Variants in WASF3 observed in about 807,000 individuals in gnomAD.
WASF3 encodes WASP family member 3, also known as actin-binding protein WASF3.
In WASF3, 11 loss-of-function variants were observed where a neutral mutation model predicts 46.6. The ratio of observed to expected loss-of-function variants is 0.24; its 90% CI spans 0.15 to 0.39. The LOEUF (loss-of-function observed/expected upper bound fraction) is 0.39. WASF3 is among the 10% of genes least tolerant of loss of function. The pLI, the probability that WASF3 is intolerant of heterozygous loss-of-function variation, is 1.00. For missense variants in WASF3, 576 were observed against 669.8 expected, an observed-to-expected ratio of 0.86 and a Z score of 1.55; for synonymous variants, 242 against 259.7, an observed-to-expected ratio of 0.93 and a Z score of 0.65.
At chr13:26,655,797 AC>A (rs1882448520) in intron 3 of WASF3, among the ~76,000 whole-genome samples, 1 of 152,062 alleles carries the variant, frequency 6.6e-6, no homozygotes, top group Admixed American at 6.6e-5. Context: ...TTTGATCCTT[AC>A]GTTTTTCCAC....
At chr13:26,554,092 C>T (rs57426812), upstream of WASF3, among the ~76,000 whole-genome samples, 4,448 of 21,178 alleles carry the variant, frequency 0.21, 219 homozygotes, top group East Asian at 0.26. Context: ...TCCTTCCTTC[C>T]TTCCTTCTTT....
At chr13:26,568,493 C>CT (rs1182713636) in intron 1 of WASF3, among the ~76,000 whole-genome samples, 1 of 152,096 alleles carries the variant, frequency 6.6e-6, no homozygotes, top group Non-Finnish European at 1.5e-5. Flanking sequence ...TTAGAGGGGG[C>CT]TGATGAAGAC....
chr13:26,681,429 A>G (rs1883228407), intron 8 of WASF3, 109 bp downstream of exon 8: 1 of 1,312,886 alleles, frequency 7.6e-7, no homozygotes, highest in African/African-American at 1.5e-5. Flanking sequence ...AGATAGAGTC[A>G]AGGATGACTG....
At chr13:26,664,016 A>C (rs1882703471) in intron 3 of WASF3, among the ~76,000 whole-genome samples, 2 of 152,212 alleles carry the variant, frequency 1.3e-5, no homozygotes, top group African/African-American at 2.4e-5. Context: ...AGGTGTGTGC[A>C]GGAGGCATCA....
chr13:26,602,621 T>G (rs1325341652), intron 1 of WASF3, among the ~76,000 whole-genome samples: 1 of 152,212 alleles, frequency 6.6e-6, no homozygotes, highest in Non-Finnish European at 1.5e-5. Context: ...CTCTTTGTTA[T>G]AGTGGCCACT....
chr13:26,580,314 T>G (rs1043755244), intron 1 of WASF3, among the ~76,000 whole-genome samples: 3 of 152,200 alleles, frequency 2.0e-5, no homozygotes, highest in African/African-American at 7.2e-5. Flanking sequence ...TGTGGTTTTC[T>G]TTTGTCAGAA....
At chr13:26,548,510 A>C in the WASF3 span, among the ~76,000 whole-genome samples, 1 of 152,122 alleles carries the variant, frequency 6.6e-6, no homozygotes, top group Admixed American at 6.5e-5. Context: ...CCAACGCACT[A>C]TTCATGCATG....
chr13:26,568,404 A>C (rs1162013921), intron 1 of WASF3, among the ~76,000 whole-genome samples: 2 of 152,182 alleles, frequency 1.3e-5, no homozygotes, highest in African/African-American at 2.4e-5. Context: ...ACTGCTGCTG[A>C]CAGAGAAGCA....
At chr13:26,613,551 T>G (rs1272753201) in intron 2 of WASF3, among the ~76,000 whole-genome samples, 1 of 152,120 alleles carries the variant, frequency 6.6e-6, no homozygotes, top group African/African-American at 2.4e-5. Flanking sequence ...GGGTGGATCA[T>G]GAGGTCAGGA....
chr13:26,576,914 C>T (rs563858312), intron 1 of WASF3: 32 of 782,892 alleles, frequency 4.1e-5, no homozygotes, highest in African/African-American at 2.4e-4. Flanking sequence ...AAACGCCTTA[C>T]GAAAGGAGGC....
chr13:26,542,981 C>G, the WASF3 span, among the ~76,000 whole-genome samples: 13 of 152,164 alleles, frequency 8.5e-5, no homozygotes, highest in Admixed American at 6.5e-4. Context: ...TGAACACAGG[C>G]TAAAGAAGAG....
upstream of WASF3, among the ~76,000 whole-genome samples, chr13:26,556,164 G>A (rs1879092384): frequency 6.6e-6 from 1 of 152,196 alleles, no homozygotes; most frequent in African/African-American, 2.4e-5. Flanking sequence ...TTGGGATGAT[G>A]TGTTTAAGGG....
At chr13:26,683,598 A>G (rs1385847791) in intron 9 of WASF3, among the ~76,000 whole-genome samples, 1 of 152,184 alleles carries the variant, frequency 6.6e-6, no homozygotes. Flanking sequence ...GGGGAAAAGT[A>G]TAAATGAAAG....
chr13:26,580,645 A>G, intron 1 of WASF3, among the ~76,000 whole-genome samples: 1 of 142,548 alleles, frequency 7.0e-6, no homozygotes, highest in African/African-American at 2.6e-5. Context: ...TTTTTTTGAG[A>G]CAGAGTTTTT....
intron 6 of WASF3, 106 bp from the exon 7 acceptor site, chr13:26,676,443 T>C (rs1364296029): frequency 1.6e-6 from 2 of 1,246,564 alleles, no homozygotes; most frequent in East Asian, 4.8e-5. Flanking sequence ...CGAATGTGTC[T>C]TGTCTGTTCA....
chr13:26,662,945 TTAAA>T (rs1882674318), intron 3 of WASF3, among the ~76,000 whole-genome samples: 1 of 152,224 alleles, frequency 6.6e-6, no homozygotes, highest in Admixed American at 6.5e-5. Flanking sequence ...AGTAAAGAAT[TTAAA>T]TAGAAATGAC....
intron 6 of WASF3, among the ~76,000 whole-genome samples, chr13:26,672,653 G>T (rs77626179): frequency 0.012 from 1,867 of 152,236 alleles, 34 homozygotes; most frequent in African/African-American, 0.042. Flanking sequence ...TTCTCTAAGG[G>T]CAAGTATTTA....
Position 26,568,356 on chromosome 13 carries a change from C to G in WASF3, c.-109+10537C>G, listed in dbSNP as rs114230880. ...TCAGTGGTTCCTGCCTTGAGGAGGTCTTAGTAGAATAGCAGAAGAAAGAGA... is the reference window on the plus strand; with the variant it reads ...TCAGTGGTTCCTGCCTTGAGGAGGTGTTAGTAGAATAGCAGAAGAAAGAGA... On this transcript the variant is annotated intron_variant, in intron 1 of 9. Transcript: ENST00000335327. 7.1e-3 allele frequency among the ~76,000 whole-genome samples: 1,081 copies of G among 152,166 alleles called. 18 individuals carry two copies. The highest frequency in any genetic ancestry group is 0.025 in the African/African-American group (1,036 of 41,476).
At chr13:26,645,009 A>T (rs1038627458) in intron 3 of WASF3, among the ~76,000 whole-genome samples, 5 of 152,170 alleles carry the variant, frequency 3.3e-5, no homozygotes, top group Non-Finnish European at 7.4e-5. Flanking sequence ...CAACCCAAAG[A>T]GCATTACAGA....
Sources: allele counts gnomAD v4.1 joint callset (sites outside exome capture counted in the v4.1 genomes callset), GRCh38; gene constraint gnomAD v4.1.1; transcripts MANE v1.5; gene names NCBI Gene and HGNC (gene_info 2026-07-23, HGNC 2026-07-21).